The following MORN5 variants were observed in gnomAD, a reference collection of about 807,000 sequenced individuals.
MORN5 encodes MORN repeat-containing protein 5.
Under a neutral mutation model 22.1 loss-of-function variants are expected in MORN5, and 21 were observed. That is an observed-to-expected ratio of 0.95 (90% confidence interval 0.67 to 1.37). MORN5 has a LOEUF of 1.37. MORN5 is among the 40% of genes most tolerant of loss of function. The pLI is 0.00. For missense variants in MORN5, 211 were observed against 215.1 expected, an observed-to-expected ratio of 0.98 and a Z score of 0.12; for synonymous variants, 73 against 74.0, an observed-to-expected ratio of 0.99 and a Z score of 0.07.
intron 4 of MORN5, among the ~76,000 whole-genome samples, chr9:122,186,705 G>A (rs1027660480): frequency 2.0e-5 from 3 of 152,084 alleles, no homozygotes; most frequent in Non-Finnish European, 2.9e-5. Flanking sequence ...ACTCCCCCAC[G>A]GCAGCCTCCT....
intron 4 of MORN5, among the ~76,000 whole-genome samples, chr9:122,195,242 G>A (rs1240072672): frequency 6.6e-6 from 1 of 152,084 alleles, no homozygotes; most frequent in African/African-American, 2.4e-5. Context: ...GAGAATTCTC[G>A]CAAAGATAGT....
intron 3 of MORN5, 36 bp downstream of exon 3, chr9:122,169,792 C>A: frequency 7.4e-7 from 1 of 1,352,050 alleles, no homozygotes; most frequent in Non-Finnish European, 1.1e-6. Context: ...CATACCCAAA[C>A]TGAGAGGGAA....
Position 122,197,252 on chromosome 9 carries a change from G to GT in MORN5, c.440-2628dup, listed in dbSNP as rs113372157. 0.059 allele frequency among the ~76,000 whole-genome samples: 8,955 copies of GT among 150,876 alleles called. 675 individuals carry two copies. The highest frequency in any genetic ancestry group is 0.18 in the African/African-American group (7,442 of 41,238). On this transcript the variant is annotated intron_variant, in intron 4 of 4. Coordinates refer to ENST00000373764, the MANE Select transcript of MORN5 (RefSeq NM_198469.4). The surrounding 1 kb of genome is among the most constrained non-coding windows in gnomAD (Gnocchi z 5.7). ...CAATTGATTAAAGAGTTTGTGGGGT[G>GT]TTTTTCCCCCATCTTTTTTCTCCCT...
At chr9:122,178,264 G>T (rs560564733) in intron 4 of MORN5, among the ~76,000 whole-genome samples, 2 of 152,202 alleles carry the variant, frequency 1.3e-5, no homozygotes, top group African/African-American at 4.8e-5. Context: ...AAAGGCAGGC[G>T]GATCACCTGA....
intron 4 of MORN5, among the ~76,000 whole-genome samples, chr9:122,199,187 T>A (rs1829958678): frequency 6.6e-6 from 1 of 152,220 alleles, no homozygotes; most frequent in Admixed American, 6.5e-5. Context: ...AGCTGGACAA[T>A]CCTAGGTTCT....
chr9:122,199,867 C>T lies in MORN5; in HGVS notation c.440-18C>T, dbSNP rs1829976768. ...CAGCGAGCACCAAGCATGACCAGCT[C>T]TTCCTCTTTCCTTGCAGATGATGAC... On this transcript the variant is annotated intron_variant, in intron 4 of 4. Coordinates refer to ENST00000373764, the MANE Select transcript of MORN5 (RefSeq NM_198469.4). The T allele has an allele frequency of 8.7e-6, 14 of 1,613,890 alleles. No individual in the cohort carries two copies. Among genetic ancestry groups the T allele is most frequent in the Non-Finnish European group, 1.2e-5 (14 of 1,179,794 alleles).
In MORN5 at chr9:122,164,724, A is replaced by G. The variant is rs201717851; in HGVS notation, c.48-2044A>G. The G allele has an allele frequency of 4.7e-6, 3 of 641,572 alleles. No homozygotes were observed. In the South Asian group the frequency reaches 2.1e-4, roughly 44 times the overall value. The allele number at this position is 641,572 out of a possible 1,614,324, so 39.7% of individuals were successfully genotyped here. On this transcript the variant is annotated intron_variant, in intron 1 of 4. Coordinates refer to ENST00000373764, the MANE Select transcript of MORN5 (RefSeq NM_198469.4). ...TGGAGATGGTGCTTAGAAATGATAG[A>G]TGTGAGCTCAAGCAAAGAGTACAGG... is the stretch of plus-strand genomic sequence containing the variant.
chr9:122,195,869 T>A (rs1268488493), intron 4 of MORN5, among the ~76,000 whole-genome samples: 3 of 152,190 alleles, frequency 2.0e-5, no homozygotes. Flanking sequence ...CTATTCTGAT[T>A]TTTATGCATT....
Position 122,189,447 on chromosome 9 carries a change from T to TA in MORN5, c.440-10435dup, listed in dbSNP as rs199805326. Among the ~76,000 whole-genome samples, 317 of 151,824 alleles carry TA rather than the reference T, an allele frequency of 2.1e-3. 2 individuals carry two copies. The highest frequency in any genetic ancestry group is 7.2e-3 in the African/African-American group (298 of 41,422). ...CATATCTACAAAAAAAAGATTTTTT[T>TA]AAATTAGCCAGGGGTGGTGGCACAC... is the stretch of plus-strand genomic sequence containing the variant. On this transcript the variant is annotated intron_variant, in intron 4 of 4. Transcript: ENST00000373764.
chr9:122,188,971 G>C (rs1252509471), intron 4 of MORN5, among the ~76,000 whole-genome samples: 1 of 152,060 alleles, frequency 6.6e-6, no homozygotes, highest in East Asian at 1.9e-4. Context: ...GAGGTGGGTG[G>C]GTCACTTGAG....
At chr9:122,162,462 C>T (rs1319763645) in intron 1 of MORN5, among the ~76,000 whole-genome samples, 1 of 152,132 alleles carries the variant, frequency 6.6e-6, no homozygotes, top group Non-Finnish European at 1.5e-5. Flanking sequence ...AACAGCCATT[C>T]CACTTATAGG....
At chr9:122,170,271 G>A (rs971102648) in intron 3 of MORN5, among the ~76,000 whole-genome samples, 11 of 150,826 alleles carry the variant, frequency 7.3e-5, no homozygotes, top group Admixed American at 7.3e-4. Context: ...ACTCCAGCCT[G>A]GGCGACAGAG....
At chr9:122,164,217 AAGAG>A (rs5900511) in intron 1 of MORN5, among the ~76,000 whole-genome samples, 10 of 151,236 alleles carry the variant, frequency 6.6e-5, no homozygotes, top group Middle Eastern at 6.8e-3. Flanking sequence ...AAGGAAGGGA[AAGAG>A]AGAGAGAGAG....
intron 2 of MORN5, among the ~76,000 whole-genome samples, chr9:122,167,309 G>A (rs559677664): frequency 1.0e-4 from 15 of 148,364 alleles, no homozygotes; most frequent in Non-Finnish European, 1.6e-4. Flanking sequence ...GCCTCCCAAA[G>A]TGCTGGGATT....
intron 4 of MORN5, among the ~76,000 whole-genome samples, chr9:122,180,043 C>G (rs576262117): frequency 6.6e-6 from 1 of 152,342 alleles, no homozygotes; most frequent in South Asian, 2.1e-4. Context: ...GGGCCACCAG[C>G]AGAAGAGTCA....
intron 1 of MORN5, among the ~76,000 whole-genome samples, chr9:122,161,320 T>A (rs1196128841): frequency 6.6e-6 from 1 of 152,200 alleles, no homozygotes; most frequent in Non-Finnish European, 1.5e-5. Context: ...TGCTATGGGA[T>A]GCTATCTCTC....
chr9:122,176,182 G>A (rs1379419996), intron 4 of MORN5, among the ~76,000 whole-genome samples: 2 of 151,300 alleles, frequency 1.3e-5, no homozygotes, highest in Admixed American at 1.3e-4. Flanking sequence ...GAATCCTGGA[G>A]CTAAGATGCC....
chr9:122,192,136 C>T (rs907683427), intron 4 of MORN5, among the ~76,000 whole-genome samples: 4 of 152,286 alleles, frequency 2.6e-5, no homozygotes, highest in South Asian at 2.1e-4. Flanking sequence ...CCCAGCGAGT[C>T]GGTGGCTCAG....
At chr9:122,169,065 A>G (rs1829329137) in intron 2 of MORN5, among the ~76,000 whole-genome samples, 1 of 152,180 alleles carries the variant, frequency 6.6e-6, no homozygotes, top group Non-Finnish European at 1.5e-5. Flanking sequence ...AAGCAGAGAC[A>G]GGGAATTGGC....
Sources: gnomAD v4.1 joint callset for allele counts (sites outside exome capture counted in the v4.1 genomes callset) on GRCh38, gnomAD v4.1.1 for gene constraint, Gnocchi (gnomAD v3.1) non-coding constraint, MANE v1.5 for transcripts, NCBI Gene and HGNC (gene_info 2026-07-23, HGNC 2026-07-21) for gene names.